The following ROR2 variants were observed in gnomAD, a reference collection of about 807,000 sequenced individuals.
ROR2 encodes the protein ROR family WNT receptor 2.
In ROR2, 33 loss-of-function variants were observed where a neutral mutation model predicts 74.9. That is an observed-to-expected ratio of 0.44 (90% CI 0.33 to 0.59). The LOEUF (loss-of-function observed/expected upper bound fraction) is 0.59, where lower values mean the gene tolerates loss of function less well. Ranked by LOEUF, ROR2 falls within the 20% of genes least tolerant of loss-of-function variation. The pLI, the probability that ROR2 is intolerant of heterozygous loss-of-function variation, is 0.02. For missense variants in ROR2, 1,216 were observed against 1,313.8 expected, an observed-to-expected ratio of 0.93 and a Z score of 1.15; for synonymous variants, 586 against 558.7, an observed-to-expected ratio of 1.05 and a Z score of -0.69.
chr9:91,796,436 G>GGAAA (rs1316230299), intron 1 of ROR2, among the ~76,000 whole-genome samples: 3 of 87,702 alleles, frequency 3.4e-5, no homozygotes, highest in South Asian at 4.0e-4. Flanking sequence ...TTGTCCCAAG[G>GGAAA]AAAAAAAAAA....
chr9:91,730,762 T>G (rs1837210385), intron 7 of ROR2, 148 bp downstream of exon 7: 9 of 1,127,348 alleles, frequency 8.0e-6, no homozygotes, highest in Non-Finnish European at 1.0e-5. Context: ...CCCAACAGCT[T>G]TATTTAAAAT....
chr9:91,777,008 C>T (rs1038619190), intron 1 of ROR2, among the ~76,000 whole-genome samples: 1 of 152,212 alleles, frequency 6.6e-6, no homozygotes, highest in South Asian at 2.1e-4. Flanking sequence ...GTGGAAATTT[C>T]ACTTCCTCTG....
At chr9:91,832,368 A>C (rs1237686538) in intron 1 of ROR2, among the ~76,000 whole-genome samples, 1 of 46,954 alleles carries the variant, frequency 2.1e-5, no homozygotes, top group Non-Finnish European at 3.9e-5. Flanking sequence ...TCACAATGGC[A>C]AAAAAAAAAA....
chr9:91,884,206 C>T (rs932231296), intron 1 of ROR2, among the ~76,000 whole-genome samples: 1 of 152,156 alleles, frequency 6.6e-6, no homozygotes, highest in Non-Finnish European at 1.5e-5. Flanking sequence ...TCATTCAACA[C>T]CATCTCATAA....
At chr9:91,858,006 A>G (rs976354407) in intron 1 of ROR2, among the ~76,000 whole-genome samples, 3 of 152,180 alleles carry the variant, frequency 2.0e-5, no homozygotes, top group Non-Finnish European at 4.4e-5. Flanking sequence ...TAGGCCGCCA[A>G]GCCCAGCAAA....
chr9:91,927,180 A>C (rs1319954004), intron 1 of ROR2, among the ~76,000 whole-genome samples: 1 of 152,182 alleles, frequency 6.6e-6, no homozygotes, highest in African/African-American at 2.4e-5. Flanking sequence ...TCAAGACCCA[A>C]ACTGCGTCCT....
chr9:91,862,929 A>C (rs1829514924), intron 1 of ROR2, among the ~76,000 whole-genome samples: 1 of 152,284 alleles, frequency 6.6e-6, no homozygotes, highest in African/African-American at 2.4e-5. Context: ...TCATTTCTCC[A>C]AAGAAAACAC....
intron 4 of ROR2, among the ~76,000 whole-genome samples, chr9:91,753,847 A>T (rs1459665461): frequency 6.6e-6 from 1 of 152,246 alleles, no homozygotes; most frequent in African/African-American, 2.4e-5. Flanking sequence ...ATTTCTTTTT[A>T]AAAATATTTT....
At position 91,723,749 on chromosome 9, in the gene ROR2, C is replaced by T; in HGVS notation, c.2745G>A (p.Glu915=). 6.2e-7 allele frequency: 1 copy of T among 1,613,898 alleles called. No individual in the cohort carries two copies. The highest frequency in any genetic ancestry group is 8.5e-7 in the Non-Finnish European group (1 of 1,180,032). ...CAGTCTCTGGGACAGAGCCTTCCTC[C>T]TCCTCCTCTGCTTCCTGCACGGTGC... ...AQSTVQEAEE[E]EEGSVPETEL... The change falls in exon 9 of 9, where the codon GAG becomes GAA. Residue 915 remains glutamate, a synonymous_variant. Transcript: ENST00000375708.
At chr9:91,891,914 GGTGGACACCTGTA>G (rs1830430058) in intron 1 of ROR2, among the ~76,000 whole-genome samples, 1 of 152,114 alleles carries the variant, frequency 6.6e-6, no homozygotes, top group African/African-American at 2.4e-5. Flanking sequence ...CAGGCGTGGT[GGTGGACACCTGTA>G]GTCCCAGCTA....
chr9:91,921,369 C>T (rs1054476357), intron 1 of ROR2, among the ~76,000 whole-genome samples: 3 of 152,150 alleles, frequency 2.0e-5, no homozygotes, highest in Non-Finnish European at 2.9e-5. Flanking sequence ...AATATATACA[C>T]GTATACACAC....
chr9:91,750,177 C>T (rs1337297287), intron 4 of ROR2, among the ~76,000 whole-genome samples: 2 of 152,232 alleles, frequency 1.3e-5, no homozygotes, highest in East Asian at 1.9e-4. Context: ...GTTGGTATTA[C>T]AGGCATGAGC....
chr9:91,836,069 T>C (rs373376233), intron 1 of ROR2, among the ~76,000 whole-genome samples: 56 of 152,314 alleles, frequency 3.7e-4, no homozygotes, highest in South Asian at 2.3e-3. Context: ...GAGTTTGGTT[T>C]CACCTATTTT....
At position 91,724,317 on chromosome 9, in the gene ROR2, A is replaced by C; in HGVS notation, c.2177T>G (p.Ile726Ser). 1 of 1,613,242 alleles carries C rather than the reference A, an allele frequency of 6.2e-7. No individual in the cohort carries two copies. The highest frequency in any genetic ancestry group is 8.5e-7 in the Non-Finnish European group (1 of 1,180,008). The change falls in exon 9 of 9, where the codon ATC becomes AGC. Residue 726 changes from isoleucine (I) to serine (S), a missense_variant. Transcript: ENST00000375708. ...GCTGGGGAACTCGTTCCAGCACTCGATCATGAGGGCATACACCCAGGCGGG... is the reference window on the plus strand; with the variant it reads ...GCTGGGGAACTCGTTCCAGCACTCGCTCATGAGGGCATACACCCAGGCGGG... ...DCPAWVYALM[I>S]ECWNEFPSRR...
intron 4 of ROR2, among the ~76,000 whole-genome samples, chr9:91,746,837 T>C (rs1328347626): frequency 2.0e-5 from 3 of 149,364 alleles, no homozygotes; most frequent in Non-Finnish European, 4.4e-5. Flanking sequence ...TTCAAAAGAA[T>C]AACACACTTT....
At chr9:91,752,010 G>A (rs10739918) in intron 4 of ROR2, among the ~76,000 whole-genome samples, 118,525 of 152,166 alleles carry the variant, frequency 0.78, 46,303 homozygotes, top group African/African-American at 0.85. Flanking sequence ...AGTAAAAATT[G>A]CTTTTTCAAG....
intron 1 of ROR2, among the ~76,000 whole-genome samples, chr9:91,788,270 G>A (rs1182980015): frequency 1.3e-5 from 2 of 151,838 alleles, no homozygotes; most frequent in East Asian, 3.9e-4. Flanking sequence ...AGTAAGAGAA[G>A]AGAAAGAAGG....
In ROR2 at chr9:91,911,933, CAAAA is replaced by C. The variant is rs747087662; in HGVS notation, c.97+37930_97+37933del. The stretch of plus-strand genomic sequence containing the variant: ...CCAGTGTCCATTACCTGAGTCTAAG[CAAAA>C]AAAAAAAAAAAAAAAAACCACAAAC... On this transcript the variant is annotated intron_variant, in intron 1 of 8. Transcript: ENST00000375708. Among the ~76,000 whole-genome samples, 240 of 76,388 alleles carry C rather than the reference CAAAA, an allele frequency of 3.1e-3. 1 individual carries two copies. The highest frequency in any genetic ancestry group is 4.6e-3 in the Non-Finnish European group (178 of 39,090). 50.1% of individuals were successfully genotyped at this position (76,388 alleles called of 152,430 possible). A position where few individuals can be genotyped will look rare whatever the true frequency, so the allele number is the denominator to read the frequency against.
chr9:91,831,199 T>C (rs1314744814), intron 1 of ROR2, among the ~76,000 whole-genome samples: 1 of 151,290 alleles, frequency 6.6e-6, no homozygotes, highest in Non-Finnish European at 1.5e-5. Context: ...AGGCGGAGGC[T>C]GTGGTGAGCC....
Sources: gnomAD v4.1 joint callset for allele counts (sites outside exome capture counted in the v4.1 genomes callset) on GRCh38, gnomAD v4.1.1 for gene constraint, MANE v1.5 for transcripts, NCBI Gene and HGNC (gene_info 2026-07-23, HGNC 2026-07-21) for gene names.